ADD1: variants seen among roughly 807,000 people sequenced by gnomAD.
ADD1 encodes alpha-adducin.
A neutral mutation model predicts 80.5 loss-of-function variants in ADD1; 24 were observed. The ratio of observed to expected loss-of-function variants is 0.30; its 90% CI spans 0.22 to 0.42. The LOEUF (loss-of-function observed/expected upper bound fraction) is 0.42, where lower values mean the gene tolerates loss of function less well. ADD1 is among the 10% of genes least tolerant of loss of function. The pLI is 1.00. For missense variants in ADD1, 948 were observed against 1,019.0 expected (o/e 0.93, Z 0.95); for synonymous variants, 373 against 393.8 (o/e 0.95, Z 0.63).
At chr4:2,924,176 C>T (rs1740572958) in intron 14 of ADD1, among the ~76,000 whole-genome samples, 1 of 152,214 alleles carries the variant, frequency 6.6e-6, no homozygotes, top group African/African-American at 2.4e-5. Context: ...AAAGATGGGG[C>T]AGTCTTAAAA....
intron 9 of ADD1, among the ~76,000 whole-genome samples, chr4:2,904,360 C>T (rs1736685213): frequency 6.6e-6 from 1 of 152,196 alleles, no homozygotes; most frequent in Admixed American, 6.5e-5. Context: ...TTTGCATCTT[C>T]TGCACTTTTA....
At chr4:2,915,772 C>T (rs1034004486) in intron 14 of ADD1, among the ~76,000 whole-genome samples, 7 of 152,070 alleles carry the variant, frequency 4.6e-5, no homozygotes, top group Admixed American at 6.5e-5. Context: ...TGCGGTGAGC[C>T]GAGATCGTGC....
At chr4:2,891,452 A>G (rs561620359) in intron 4 of ADD1, among the ~76,000 whole-genome samples, 14 of 152,230 alleles carry the variant, frequency 9.2e-5, no homozygotes, top group Non-Finnish European at 2.1e-4. Context: ...TCTCAAAAAA[A>G]GAAAAAAAAA....
intron 1 of ADD1, among the ~76,000 whole-genome samples, chr4:2,872,516 C>T (rs1301864625): frequency 6.6e-6 from 1 of 152,196 alleles, no homozygotes; most frequent in Non-Finnish European, 1.5e-5. Context: ...TAAAGAGTCT[C>T]TGTAGTTACA....
At position 2,928,538 on chromosome 4, in the gene ADD1, C is replaced by G; in HGVS notation, c.*15C>G. 6.2e-7 allele frequency: 1 copy of G among 1,609,614 alleles called. No individual in the cohort carries two copies. The highest frequency in any genetic ancestry group is 1.3e-5 in the African/African-American group (1 of 74,728). ...GTGACTCCTGAAAGCCCTGCGCTAACACTGTCCTGTCCGGAGCGACCCTGG... is the reference window on the plus strand; with the variant it reads ...GTGACTCCTGAAAGCCCTGCGCTAAGACTGTCCTGTCCGGAGCGACCCTGG... On this transcript the variant is annotated 3_prime_UTR_variant, in exon 16 of 16. Transcript: ENST00000683351.
chr4:2,894,530 A>T, intron 5 of ADD1, 52 bp from the exon 6 acceptor site: 2 of 1,515,038 alleles, frequency 1.3e-6, no homozygotes, highest in Non-Finnish European at 1.8e-6. Context: ...AAAAAAGAAA[A>T]GAAAAAATGA....
intron 1 of ADD1, among the ~76,000 whole-genome samples, chr4:2,845,974 G>A (rs1187719523): frequency 6.6e-6 from 1 of 152,132 alleles, no homozygotes; most frequent in East Asian, 1.9e-4. Context: ...AGTTTCAACA[G>A]TCAATCTTGC....
chr4:2,894,863 A>G lies in ADD1; in HGVS notation c.741+132A>G, dbSNP rs1016220895. On this transcript the variant is annotated intron_variant, in intron 6 of 15. Transcript: ENST00000683351. ...TTGTTGAATATAAAAAAAAAGGTGT[A>G]CCACTAAGTTTGACTTTCTTAAAAT... The G allele has an allele frequency of 4.9e-6, 5 of 1,014,156 alleles. No individual in the cohort carries two copies. In the African/African-American group the frequency reaches 5.2e-5, roughly 10 times the overall value. 62.8% of individuals were successfully genotyped at this position (1,014,156 alleles called of 1,614,324 possible).
intron 5 of ADD1, 59 bp downstream of exon 5, chr4:2,894,152 A>G (rs1459272514): frequency 6.0e-6 from 8 of 1,329,082 alleles, no homozygotes; most frequent in Non-Finnish European, 8.7e-6. Context: ...GTCATTCAAC[A>G]TCTTCAGATC....
At chr4:2,860,810 A>G (rs1256608874) in intron 1 of ADD1, among the ~76,000 whole-genome samples, 1 of 152,202 alleles carries the variant, frequency 6.6e-6, no homozygotes, top group Non-Finnish European at 1.5e-5. Flanking sequence ...AAATGTGGAA[A>G]CTTCCACCAG....
intron 1 of ADD1, among the ~76,000 whole-genome samples, chr4:2,861,315 A>G (rs1055646507): frequency 6.6e-6 from 1 of 152,194 alleles, no homozygotes; most frequent in African/African-American, 2.4e-5. Flanking sequence ...CTTGGCCCCA[A>G]GTGGTCCTTG....
At chr4:2,894,825 A>C (rs1734920307) in intron 6 of ADD1, 94 bp downstream of exon 6, 1 of 1,315,812 alleles carries the variant, frequency 7.6e-7, no homozygotes. Flanking sequence ...GTTTATAGTC[A>C]GTAAAACTAA....
intron 14 of ADD1, among the ~76,000 whole-genome samples, chr4:2,918,847 TGGTTTTTTTTTTTTTCTTTCCTGAGAC>T (rs1368818661): frequency 6.6e-6 from 1 of 151,448 alleles, no homozygotes; most frequent in African/African-American, 2.4e-5. Flanking sequence ...TTTTGTTATT[TGGTTTTTTTTTTTTTCTTTCCTGAGAC>T]GGAGTCTCCC....
At chr4:2,852,191 T>TTTCC (rs1727266070) in intron 1 of ADD1, among the ~76,000 whole-genome samples, 2 of 96,096 alleles carry the variant, frequency 2.1e-5, no homozygotes, top group South Asian at 6.0e-4. Context: ...TCTTTCTTTC[T>TTTCC]TTCTTTCCTT....
intron 1 of ADD1, among the ~76,000 whole-genome samples, chr4:2,849,127 C>G (rs560941264): frequency 3.3e-5 from 5 of 152,282 alleles, no homozygotes; most frequent in Admixed American, 1.3e-4. Context: ...ATTTTCTCCA[C>G]ATAATTAAGT....
intron 1 of ADD1, among the ~76,000 whole-genome samples, chr4:2,869,362 C>T (rs1229276722): frequency 6.6e-6 from 1 of 152,082 alleles, no homozygotes; most frequent in African/African-American, 2.4e-5. Context: ...ACTGCGTCCA[C>T]CTCTGCCTTC....
intron 1 of ADD1, among the ~76,000 whole-genome samples, chr4:2,858,911 T>A (rs1033705079): frequency 2.0e-5 from 3 of 152,234 alleles, no homozygotes; most frequent in African/African-American, 4.8e-5. Flanking sequence ...TATTTCTAAT[T>A]GCCCCAACAA....
intron 1 of ADD1, among the ~76,000 whole-genome samples, chr4:2,849,068 G>T (rs1295348058): frequency 6.6e-6 from 1 of 152,116 alleles, no homozygotes; most frequent in Non-Finnish European, 1.5e-5. Context: ...GATGTTTCCA[G>T]ATTATCCTCC....
At chr4:2,852,262 C>CTTTCTTTCTTTCTTTCTCTTTCT (rs1560139031) in intron 1 of ADD1, among the ~76,000 whole-genome samples, 1 of 78,132 alleles carries the variant, frequency 1.3e-5, no homozygotes, top group African/African-American at 4.3e-5. Flanking sequence ...TCTTTCTTTC[C>CTTTCTTTCTTTCTTTCTCTTTCT]TTCCTTCCTT....
Sources: gnomAD v4.1 joint callset for allele counts (sites outside exome capture counted in the v4.1 genomes callset) on GRCh38, gnomAD v4.1.1 for gene constraint, MANE v1.5 for transcripts, NCBI Gene and HGNC (gene_info 2026-07-23, HGNC 2026-07-21) for gene names.